Variants in SRMS observed in about 807,000 individuals in gnomAD.
SRMS encodes the protein src-related kinase lacking C-terminal regulatory tyrosine and N-terminal myristylation sites.
Under a neutral mutation model 43.5 loss-of-function variants are expected in SRMS, and 42 were observed. That is an observed-to-expected ratio of 0.97 (90% CI 0.75 to 1.25). The LOEUF (loss-of-function observed/expected upper bound fraction) is 1.25. Ranked by LOEUF, SRMS falls within the 50% of genes most tolerant of loss-of-function variation. The pLI, the probability that SRMS is intolerant of heterozygous loss-of-function variation, is 0.00. For synonymous variants in SRMS, 316 were observed against 308.2 expected (o/e 1.03, Z -0.27); for missense variants, 703 against 681.0 (o/e 1.03, Z -0.36).
rs774624127 is a variant in SRMS, at chr20:63,543,451, G to A, written c.508C>T (p.Arg170Trp). 1.5e-5 allele frequency: 24 copies of A among 1,612,680 alleles called. No homozygotes were observed. The East Asian group carries it at 2.4e-4, about 16-fold the overall frequency. The change falls in exon 3 of 8, where the codon CGG becomes TGG. Residue 170 changes from arginine to tryptophan, a missense_variant. Transcript: ENST00000217188. ...CTGCCATCAGCTGCCATGGAGACCC[G>A]GTAGTGGCAGACCTTGGCCTGGGCC... is the stretch of plus-strand genomic sequence containing the variant. The part of the protein sequence containing the change: ...VRAQAKVCHY[R>W]VSMAADGSLY...
rs963457984 is a variant in SRMS at position 63,540,033 on chromosome 20, C to T, written c.*785G>A. ...GCTGGGGGTCCGGGCGGCATGGGGG[C>T]CGCTCCAACCTGCATTTTCTAGCCA... On this transcript the variant is annotated 3_prime_UTR_variant, in exon 8 of 8. Coordinates refer to ENST00000217188, the MANE Select transcript of SRMS (RefSeq NM_080823.4). Among the ~76,000 whole-genome samples the T allele has an allele frequency of 6.6e-6, 1 of 152,218 alleles. No homozygotes were observed. Among genetic ancestry groups the T allele is most frequent in the Non-Finnish European group, 1.5e-5 (1 of 68,046 alleles).
intron 1 of SRMS, among the ~76,000 whole-genome samples, chr20:63,544,896 C>T (rs2082723123): frequency 6.6e-6 from 1 of 152,244 alleles, no homozygotes; most frequent in South Asian, 2.1e-4. Flanking sequence ...TCAGGAGGGG[C>T]AGCCAGTGGG....
intron 1 of SRMS, among the ~76,000 whole-genome samples, chr20:63,544,616 A>G (rs2082721261): frequency 6.6e-6 from 1 of 152,192 alleles, no homozygotes; most frequent in Non-Finnish European, 1.5e-5. Context: ...TTCCCTGTTC[A>G]TAGTGACCGC....
rs1467796677 is a variant in SRMS at position 63,540,881 on chromosome 20, C to T, written c.1404G>A (p.Glu468=). 1 of 1,606,142 alleles carries T rather than the reference C, an allele frequency of 6.2e-7. No individual in the cohort carries two copies. Residue 468 remains glutamate (E), a synonymous_variant, in exon 8 of 8, where the codon GAG becomes GAA. Transcript: ENST00000217188. ...GCAGCGTGGCGAAGGAGGGCCGTTC[C>T]TCGGGGCTGCTCCTCCAGCACTCCA... ...LMLECWRSSP[E]ERPSFATLRE...
In SRMS at chr20:63,542,483, C is replaced by T. The variant is rs1306916806; in HGVS notation, c.744G>A (p.Leu248=). 3 of 1,612,696 alleles carry T rather than the reference C, an allele frequency of 1.9e-6. No individual in the cohort carries two copies. Among genetic ancestry groups the T allele is most frequent in the Non-Finnish European group, 2.5e-6 (3 of 1,179,842 alleles). ...TCGCCACGGGCAGGGAGCCCAGCCA[C>T]AGGCCTTCCCACACCTCCCCAAAGT... ...EGYFGEVWEG[L]WLGSLPVAIK... Residue 248 remains leucine, a synonymous_variant, in exon 4 of 8, where the codon CTG becomes CTA. Coordinates refer to ENST00000217188, the MANE Select transcript of SRMS (RefSeq NM_080823.4).
At position 63,547,298 on chromosome 20, in the gene SRMS, A is replaced by G. The variant is rs774700224; in HGVS notation, c.166T>C (p.Phe56Leu). The G allele has an allele frequency of 6.2e-6, 10 of 1,603,764 alleles. No individual in the cohort carries two copies. The East Asian group carries it at 1.6e-4, about 25-fold the overall frequency. ...GCCGTGAAGTCATAGAGCGCAAGGA[A>G]GAGCTGAGGGAAGGGGCTGCAAGGC... Reference protein sequence around the residue: ...AEPCSPFPQLFLALYDFTARC... With the variant: ...AEPCSPFPQLLLALYDFTARC... The change falls in exon 1 of 8, where the codon TTC (phenylalanine) becomes CTC (leucine). Residue 56 changes from phenylalanine to leucine, a missense_variant. Physicochemically the swap from Phe to Leu is conservative, Grantham distance 22 (BLOSUM62 0). Coordinates refer to ENST00000217188, the MANE Select transcript of SRMS (RefSeq NM_080823.4).
At chr20:63,542,764 C>T (rs1371867137) in intron 3 of SRMS, among the ~76,000 whole-genome samples, 183 bp from the exon 4 acceptor site, 2 of 152,212 alleles carry the variant, frequency 1.3e-5, no homozygotes, top group Non-Finnish European at 2.9e-5. Context: ...CGTGGGAGCT[C>T]ATTGCTCTGG....
intron 7 of SRMS, 58 bp downstream of exon 7, chr20:63,541,132 CG>C: frequency 6.4e-7 from 1 of 1,551,208 alleles, no homozygotes; most frequent in Admixed American, 2.1e-5. Flanking sequence ...CGTCCAGGCC[CG>C]GGGCCAGTGA....
intron 1 of SRMS, among the ~76,000 whole-genome samples, chr20:63,546,751 G>A (rs1021772696): frequency 1.1e-4 from 17 of 152,146 alleles, no homozygotes; most frequent in South Asian, 6.2e-4. Flanking sequence ...AGCAGTGACC[G>A]ATCCATGAAC....
In SRMS at chr20:63,541,637, G is replaced by A. The variant is rs754572933; in HGVS notation, c.947-17C>T. ...CCTCGGGGGCTGCAGGAGACAGCGC[G>A]GGGTCTTTTAGGGCACGGGGCCAAC... On this transcript the variant is annotated splice_polypyrimidine_tract_variant and intron_variant, in intron 5 of 7. Transcript: ENST00000217188. 41 of 1,505,298 alleles carry A rather than the reference G, an allele frequency of 2.7e-5. No homozygotes were observed. The highest frequency in any genetic ancestry group is 9.7e-5 in the African/African-American group (7 of 72,284). 93.2% of individuals were successfully genotyped at this position (1,505,298 alleles called of 1,614,324 possible). A position where few individuals can be genotyped will look rare whatever the true frequency, so the allele number is the denominator to read the frequency against.
rs367586554 is a variant in SRMS at position 63,541,467 on chromosome 20, G to A, written c.1100C>T (p.Ala367Val). ...GAGCAGCCGGGCCAGGCCGAAGTCA[G>A]CCACCTTGCAGGCCAGGCCGTCGTC... is the stretch of plus-strand genomic sequence containing the variant. The part of the protein sequence containing the change: ...LVDDGLACKV[A>V]DFGLARLLKD... Residue 367 changes from alanine to valine, a missense_variant, in exon 6 of 8, where the codon GCT becomes GTT. Ala to Val is a moderately conservative substitution (Grantham distance 64). Transcript: ENST00000217188. 3.1e-6 allele frequency: 5 copies of A among 1,606,756 alleles called. No individual in the cohort carries two copies. Among genetic ancestry groups the A allele is most frequent in the Non-Finnish European group, 2.5e-6 (3 of 1,179,064 alleles).
At chr20:63,546,945 G>A (rs550202771) in intron 1 of SRMS, among the ~76,000 whole-genome samples, 163 bp downstream of exon 1, 285 of 152,368 alleles carry the variant, frequency 1.9e-3, no homozygotes, top group Non-Finnish European at 3.0e-3. Context: ...TACCACACCT[G>A]CCGGCCCGGG....
Position 63,540,944 on chromosome 20 carries a change from G to A in SRMS, c.1341C>T (p.Arg447=), listed in dbSNP as rs2145982236. The change falls in exon 8 of 8, where the codon CGC becomes CGT. Residue 447 remains arginine, a synonymous_variant. Coordinates refer to ENST00000217188, the MANE Select transcript of SRMS (RefSeq NM_080823.4). Reference sequence around the variant, plus strand: ...AGACCTCCGCCGGGCAGGCAGCCGGGCGCGGCAGCCGGTACCCTCGCATGA... The same window carrying A: ...AGACCTCCGCCGGGCAGGCAGCCGGACGCGGCAGCCGGTACCCTCGCATGA... The part of the protein sequence containing the change: ...QQIMRGYRLP[R]PAACPAEVYV... 2 of 1,607,470 alleles carry A rather than the reference G, an allele frequency of 1.2e-6. No individual in the cohort carries two copies. Among genetic ancestry groups the A allele is most frequent in the East Asian group, 2.2e-5 (1 of 44,868 alleles).
At chr20:63,544,022 CTGAA>C (rs1241460319) in intron 2 of SRMS, among the ~76,000 whole-genome samples, 5 of 152,182 alleles carry the variant, frequency 3.3e-5, no homozygotes, top group Admixed American at 2.6e-4. Context: ...GAATGAGTGA[CTGAA>C]TGAATGAGTG....
chr20:63,546,964 G>T, intron 1 of SRMS, 144 bp downstream of exon 1: 1 of 778,642 alleles, frequency 1.3e-6, no homozygotes, highest in Non-Finnish European at 1.9e-6. Flanking sequence ...GGGCCCATCA[G>T]CTGTCCCTGA....
At position 63,547,248 on chromosome 20, in the gene SRMS, G is replaced by T; in HGVS notation, c.216C>A (p.Val72=). 6.2e-7 allele frequency: 1 copy of T among 1,609,474 alleles called. No individual in the cohort carries two copies. Among genetic ancestry groups the T allele is most frequent in the Non-Finnish European group, 8.5e-7 (1 of 1,178,198 alleles). The change falls in exon 1 of 8, where the codon GTC becomes GTA. Residue 72 remains valine (V), a synonymous_variant. Coordinates refer to ENST00000217188, the MANE Select transcript of SRMS (RefSeq NM_080823.4). ...FTARCGGELS[V]RRGDRLCALE... is the part of the protein sequence containing the mutation. ...GGGCACAGAGCCTGTCCCCGCGGCG[G>T]ACACTCAGCTCCCCGCCACACCGCG...
Position 63,542,333 on chromosome 20 carries a change from GGT to G in SRMS, c.788-14_788-13del. On this transcript the variant is annotated splice_polypyrimidine_tract_variant and intron_variant, in intron 4 of 7. Coordinates refer to ENST00000217188, the MANE Select transcript of SRMS (RefSeq NM_080823.4). Reference sequence around the variant, plus strand: ...GAGCTTCATGTTGGCTGCGAGAGAGGGTGTGGCTCCAGGACCGGCCCACGCCA... The same window carrying G: ...GAGCTTCATGTTGGCTGCGAGAGAGGGTGGCTCCAGGACCGGCCCACGCCA... 1 of 1,604,472 alleles carries G rather than the reference GGT, an allele frequency of 6.2e-7. No individual in the cohort carries two copies. The highest frequency in any genetic ancestry group is 2.2e-5 in the East Asian group (1 of 44,594).
chr20:63,547,095 C>A lies in SRMS; in HGVS notation c.356+13G>T. ...GGCGAGGCAGGCTCTGACTCCGAGG[C>A]CGAGGTACTCACGGTTGGTCTGAGA... On this transcript the variant is annotated intron_variant, in intron 1 of 7. Transcript: ENST00000217188. 6.5e-7 allele frequency: 1 copy of A among 1,532,514 alleles called. No individual in the cohort carries two copies. Among genetic ancestry groups the A allele is most frequent in the South Asian group, 1.3e-5 (1 of 79,380 alleles). 94.9% of individuals were successfully genotyped at this position (1,532,514 alleles called of 1,614,324 possible).
chr20:63,543,825 TGAAA>T, intron 2 of SRMS: 1 of 370,472 alleles, frequency 2.7e-6, no homozygotes, highest in Non-Finnish European at 4.9e-6. Flanking sequence ...AGCAAATGAG[TGAAA>T]GAATAAGCTA....
Sources: allele counts gnomAD v4.1 joint callset (sites outside exome capture counted in the v4.1 genomes callset), GRCh38; gene constraint gnomAD v4.1.1; transcripts MANE v1.5; gene names NCBI Gene and HGNC (gene_info 2026-07-23, HGNC 2026-07-21).